SMPD3: variants seen among roughly 807,000 people sequenced by gnomAD.
SMPD3 encodes nSMase-2.
SMPD3 carries 21 observed loss-of-function variants against 55.7 expected under a neutral mutation model. The ratio of observed to expected loss-of-function variants is 0.38; its 90% CI spans 0.27 to 0.54. The LOEUF (loss-of-function observed/expected upper bound fraction) is 0.54, where lower values mean the gene tolerates loss of function less well. SMPD3 is among the 20% of genes least tolerant of loss of function. SMPD3 has a pLI of 0.80. For missense variants in SMPD3, 842 were observed against 899.6 expected, an observed-to-expected ratio of 0.94 and a Z score of 0.82; for synonymous variants, 457 against 404.3, an observed-to-expected ratio of 1.13 and a Z score of -1.56.
At chr16:68,430,655 C>T (rs1256050454) in intron 1 of SMPD3, among the ~76,000 whole-genome samples, 3 of 152,210 alleles carry the variant, frequency 2.0e-5, no homozygotes, top group Admixed American at 6.5e-5. Flanking sequence ...CATCACCCCA[C>T]TGTTCATTAT....
chr16:68,365,146 G>C (rs929174277), intron 3 of SMPD3, 54 bp from the exon 4 acceptor site: 4 of 1,587,090 alleles, frequency 2.5e-6, no homozygotes, highest in Non-Finnish European at 3.5e-6. Flanking sequence ...GGCCCTGAGA[G>C]CACAGGACAC....
intron 8 of SMPD3, 144 bp downstream of exon 8, chr16:68,361,459 G>C: frequency 2.2e-6 from 3 of 1,378,566 alleles, no homozygotes; most frequent in East Asian, 2.3e-5. Flanking sequence ...AGGACCTGGG[G>C]CCCTAAGGGT....
At chr16:68,384,186 C>T (rs1224304515) in intron 2 of SMPD3, among the ~76,000 whole-genome samples, 1 of 152,220 alleles carries the variant, frequency 6.6e-6, no homozygotes, top group African/African-American at 2.4e-5. Flanking sequence ...AGCAGTCCCC[C>T]ACTGTGCCCT....
intron 1 of SMPD3, among the ~76,000 whole-genome samples, chr16:68,415,623 A>G (rs1312044116): frequency 1.3e-5 from 2 of 152,164 alleles, no homozygotes; most frequent in African/African-American, 4.8e-5. Flanking sequence ...CTGTGTTTGT[A>G]TTATTTTAAT....
intron 1 of SMPD3, among the ~76,000 whole-genome samples, chr16:68,440,838 G>A (rs1015190391): frequency 1.3e-5 from 2 of 152,188 alleles, no homozygotes; most frequent in South Asian, 2.1e-4. Flanking sequence ...AAGAGACTTA[G>A]AGCTCTTGAG....
intron 1 of SMPD3, among the ~76,000 whole-genome samples, chr16:68,438,409 C>T (rs1226875319): frequency 6.6e-6 from 1 of 152,182 alleles, no homozygotes; most frequent in Admixed American, 6.5e-5. Flanking sequence ...CAATACCCTC[C>T]AGAAGCTCTG....
chr16:68,438,252 C>T (rs866310527), intron 1 of SMPD3, among the ~76,000 whole-genome samples: 8 of 152,332 alleles, frequency 5.3e-5, no homozygotes, highest in African/African-American at 7.2e-5. Context: ...TTACTGCCTG[C>T]GACTTGACAC....
chr16:68,361,861 G>T, intron 7 of SMPD3, 102 bp from the exon 8 acceptor site: 32 of 1,219,396 alleles, frequency 2.6e-5, no homozygotes, highest in Non-Finnish European at 3.5e-5. Context: ...GTGGGAGCGG[G>T]TGGGTGGGAC....
chr16:68,375,834 T>A (rs1297814644), intron 2 of SMPD3, among the ~76,000 whole-genome samples: 1 of 152,030 alleles, frequency 6.6e-6, no homozygotes, highest in Non-Finnish European at 1.5e-5. Flanking sequence ...TGGGCAGGAG[T>A]GGCCCAAGAT....
intron 8 of SMPD3, 121 bp downstream of exon 8, chr16:68,361,482 T>A: frequency 7.0e-7 from 1 of 1,434,466 alleles, no homozygotes; most frequent in Non-Finnish European, 9.5e-7. Context: ...GAGGGAGTGA[T>A]GGGTATCATT....
At chr16:68,383,580 C>T (rs183800716) in intron 2 of SMPD3, among the ~76,000 whole-genome samples, 12 of 152,258 alleles carry the variant, frequency 7.9e-5, no homozygotes, top group Admixed American at 7.2e-4. Context: ...ACTGCTCCTT[C>T]TCAGGGCCCT....
intron 1 of SMPD3, among the ~76,000 whole-genome samples, chr16:68,416,449 C>G (rs2090340521): frequency 6.6e-6 from 1 of 152,224 alleles, no homozygotes; most frequent in Non-Finnish European, 1.5e-5. Flanking sequence ...TCTCCCTAAT[C>G]CCTCCTACCC....
intron 1 of SMPD3, among the ~76,000 whole-genome samples, chr16:68,431,651 A>T (rs1362940647): frequency 6.6e-6 from 1 of 152,226 alleles, no homozygotes; most frequent in Non-Finnish European, 1.5e-5. Context: ...GCCGGGTGTC[A>T]TGGCTCACGC....
chr16:68,419,860 C>T (rs939084942), intron 1 of SMPD3, among the ~76,000 whole-genome samples: 1 of 152,176 alleles, frequency 6.6e-6, no homozygotes, highest in African/African-American at 2.4e-5. Context: ...GCCTGAGTTC[C>T]AGCTCCACCT....
chr16:68,429,608 T>A (rs2090464349), intron 1 of SMPD3, among the ~76,000 whole-genome samples: 1 of 152,192 alleles, frequency 6.6e-6, no homozygotes, highest in African/African-American at 2.4e-5. Context: ...GCGTGATCAG[T>A]TGCAGCCCAG....
intron 2 of SMPD3, among the ~76,000 whole-genome samples, chr16:68,374,484 G>A (rs1049220398): frequency 6.6e-6 from 1 of 152,244 alleles, no homozygotes; most frequent in African/African-American, 2.4e-5. Context: ...TGGGAAAGCA[G>A]CTCTGTGCTG....
rs1442320830 is a variant in SMPD3, at chr16:68,373,695, C to T, written c.-206-1308G>A. ...ACCGGCCTGGGACTGCATCACGGTT[C>T]CCCAACTTTATCAGCCTCCACAAGG... On this transcript the variant is annotated intron_variant, in intron 2 of 8. Transcript: ENST00000219334. 2.0e-5 allele frequency among the ~76,000 whole-genome samples: 3 copies of T among 152,308 alleles called. No homozygotes were observed. The South Asian group carries it at 6.2e-4, about 32-fold the overall frequency.
At chr16:68,364,639 G>A (rs2089420379) in intron 5 of SMPD3, 112 bp downstream of exon 5, 3 of 1,237,476 alleles carry the variant, frequency 2.4e-6, no homozygotes, top group Non-Finnish European at 3.4e-6. Context: ...CCGCCCACAT[G>A]CTCTCGAGGA....
At chr16:68,424,237 A>G (rs1398002747) in intron 1 of SMPD3, among the ~76,000 whole-genome samples, 2 of 151,930 alleles carry the variant, frequency 1.3e-5, no homozygotes, top group South Asian at 2.1e-4. Context: ...TATACATGGC[A>G]GGATGTAATT....
Sources: allele counts gnomAD v4.1 joint callset (sites outside exome capture counted in the v4.1 genomes callset), GRCh38; gene constraint gnomAD v4.1.1; transcripts MANE v1.5; gene names NCBI Gene and HGNC (gene_info 2026-07-23, HGNC 2026-07-21).